CYS1: variants seen among roughly 807,000 people sequenced by gnomAD.
CYS1 encodes the protein cystin 1, also known as cystin-1.
In CYS1, 5 loss-of-function variants were observed where a neutral mutation model predicts 9.6. The ratio of observed to expected loss-of-function variants is 0.52; its 90% confidence interval spans 0.27 to 1.10. CYS1 has a LOEUF of 1.10. Ranked by LOEUF, CYS1 falls within the 50% of genes least tolerant of loss-of-function variation. The pLI is 0.11. For synonymous variants in CYS1, 88 were observed against 95.7 expected, an observed-to-expected ratio of 0.92 and a Z score of 0.47; for missense variants, 221 against 207.9, an observed-to-expected ratio of 1.06 and a Z score of -0.39.
At chr2:10,074,741 G>A (rs1479524624) in intron 1 of CYS1, among the ~76,000 whole-genome samples, 2 of 152,198 alleles carry the variant, frequency 1.3e-5, no homozygotes, top group Non-Finnish European at 2.9e-5. Flanking sequence ...CTGTGAAAAT[G>A]TGACCCAAAC....
chr2:10,077,188 A>G (rs1252877404), intron 1 of CYS1, among the ~76,000 whole-genome samples: 1 of 151,906 alleles, frequency 6.6e-6, no homozygotes, highest in Non-Finnish European at 1.5e-5. Flanking sequence ...ATGACCCCAC[A>G]TCTCACTTGG....
intron 1 of CYS1, among the ~76,000 whole-genome samples, chr2:10,070,451 T>G (rs1038847712): frequency 2.0e-5 from 3 of 151,986 alleles, no homozygotes; most frequent in Non-Finnish European, 2.9e-5. Flanking sequence ...GTTCAAGTGA[T>G]TCTCCTGTCT....
chr2:10,068,125 A>C (rs1029663956), intron 1 of CYS1, among the ~76,000 whole-genome samples: 1 of 152,110 alleles, frequency 6.6e-6, no homozygotes, highest in Non-Finnish European at 1.5e-5. Context: ...TTAAACTTAT[A>C]CCATTGATAT....
At chr2:10,062,765 A>C (rs1661644867) in intron 2 of CYS1, among the ~76,000 whole-genome samples, 1 of 152,228 alleles carries the variant, frequency 6.6e-6, no homozygotes, top group South Asian at 2.1e-4. Flanking sequence ...CTTGGATCTC[A>C]GTTTACTCAC....
At chr2:10,068,816 C>A (rs529395199) in intron 1 of CYS1, among the ~76,000 whole-genome samples, 1 of 152,298 alleles carries the variant, frequency 6.6e-6, no homozygotes, top group South Asian at 2.1e-4. Context: ...GCTACCAACA[C>A]TTTGGGAGGC....
Position 10,057,520 on chromosome 2 carries a change from C to A in CYS1, c.*1333G>T, listed in dbSNP as rs1661566570. 6.6e-6 allele frequency: 1 copy of A among 152,364 alleles called. No individual in the cohort carries two copies. The highest frequency in any genetic ancestry group is 6.5e-5 in the Admixed American group (1 of 15,284). 9.4% of individuals were successfully genotyped at this position (152,364 alleles called of 1,614,324 possible). A position where few individuals can be genotyped will look rare whatever the true frequency, so the allele number is the denominator to read the frequency against. On this transcript the variant is annotated 3_prime_UTR_variant, in exon 3 of 3. Transcript: ENST00000381813. The stretch of plus-strand genomic sequence containing the variant: ...TAAGGACCTGCGAGCTGGAGCTCTT[C>A]TCGGGAAAAAGAAAACGCTGGGGAG...
chr2:10,063,836 C>T lies in CYS1; in HGVS notation c.371+2068G>A, dbSNP rs1661659704. ...CAGGACTGCTGGGACCTGGGGCTTC[C>T]TTCCTGGTGGAAGCACGGTGCTGGA... On this transcript the variant is annotated intron_variant, in intron 2 of 2. Coordinates refer to ENST00000381813, the MANE Select transcript of CYS1 (RefSeq NM_001037160.3). The surrounding 1 kb of genome is among the most constrained non-coding windows in gnomAD (Gnocchi z 4.2). 6.6e-6 allele frequency among the ~76,000 whole-genome samples: 1 copy of T among 152,218 alleles called. No homozygotes were observed. The highest frequency in any genetic ancestry group is 2.1e-4 in the South Asian group (1 of 4,832).
intron 1 of CYS1, among the ~76,000 whole-genome samples, chr2:10,070,662 C>T (rs956049113): frequency 6.7e-6 from 1 of 150,268 alleles, no homozygotes; most frequent in Non-Finnish European, 1.5e-5. Context: ...TTTATTTATT[C>T]GAGACAGGGT....
Position 10,080,058 on chromosome 2 carries a change from G to A in CYS1, c.166C>T (p.Arg56Cys). The A allele has an allele frequency of 9.6e-7, 1 of 1,043,656 alleles. No individual in the cohort carries two copies. The highest frequency in any genetic ancestry group is 1.2e-6 in the Non-Finnish European group (1 of 869,314). The allele number at this position is 1,043,656 out of a possible 1,614,324, so 64.6% of individuals were successfully genotyped here. A position where few individuals can be genotyped will look rare whatever the true frequency, so the allele number is the denominator to read the frequency against. Residue 56 changes from arginine to cysteine, a missense_variant, in exon 1 of 3, where the codon CGC becomes TGC. By Grantham distance (180) the Arg-to-Cys change is radical. Coordinates refer to ENST00000381813, the MANE Select transcript of CYS1 (RefSeq NM_001037160.3). The surrounding 1 kb of genome is among the most constrained non-coding windows in gnomAD (Gnocchi z 6.4). ...PGAAAEEAPG[R>C]DPSPVAPPDG... ...GGGGGCGCCACGGGGCTGGGGTCGC[G>A]GCCGGGCGCCTCCTCCGCGGCTGCC...
In CYS1 at chr2:10,072,957, G is replaced by T. The variant is rs189516157; in HGVS notation, c.318+6949C>A. ...GCGCAGGTGGGGTCTGCGCGGGGGA[G>T]CAGTGCAGATGTGTGGGAGCAGAGC... On this transcript the variant is annotated intron_variant, in intron 1 of 2. Coordinates refer to ENST00000381813, the MANE Select transcript of CYS1 (RefSeq NM_001037160.3). Among the ~76,000 whole-genome samples the T allele has an allele frequency of 4.2e-3, 625 of 150,388 alleles. 3 individuals carry two copies. Among genetic ancestry groups the T allele is most frequent in the African/African-American group, 0.014 (582 of 40,904 alleles).
At chr2:10,073,048 G>A (rs1661793474) in intron 1 of CYS1, among the ~76,000 whole-genome samples, 1 of 148,894 alleles carries the variant, frequency 6.7e-6, no homozygotes, top group Admixed American at 6.7e-5. Context: ...GCAGATGTGT[G>A]GGAGCAGTGC....
At chr2:10,067,501 A>G (rs1661714305) in intron 1 of CYS1, among the ~76,000 whole-genome samples, 2 of 141,584 alleles carry the variant, frequency 1.4e-5, no homozygotes, top group South Asian at 4.4e-4. Flanking sequence ...TCCACCTCCC[A>G]GGCTCAAGCA....
At chr2:10,060,134 GC>G (rs1661606843) in intron 2 of CYS1, among the ~76,000 whole-genome samples, 2 of 152,258 alleles carry the variant, frequency 1.3e-5, no homozygotes, top group Non-Finnish European at 2.9e-5. Flanking sequence ...GTGCAGGTCT[GC>G]AGCTGACAGG....
At chr2:10,060,596 A>G (rs2125287086) in intron 2 of CYS1, among the ~76,000 whole-genome samples, 1 of 152,328 alleles carries the variant, frequency 6.6e-6, no homozygotes, top group South Asian at 2.1e-4. Context: ...CAGTGCGCAG[A>G]AACAGCTGCG....
chr2:10,077,701 T>G (rs993689750), intron 1 of CYS1, among the ~76,000 whole-genome samples: 1 of 152,036 alleles, frequency 6.6e-6, no homozygotes, highest in African/African-American at 2.4e-5. Flanking sequence ...GGCGCACATC[T>G]GTAGTATGCA....
In CYS1 at chr2:10,063,677, T is replaced by C. The variant is rs1343540763; in HGVS notation, c.371+2227A>G. On this transcript the variant is annotated intron_variant, in intron 2 of 2. Transcript: ENST00000381813. This position sits in a 1 kb window ranked among gnomAD's most constrained non-coding sequence, Gnocchi z 4.2. ...TTGCAGCCACAGGGTGAGGCACTGGTACCCAAGAGCTGCACGCTGGGGGGC... is the reference window on the plus strand; with the variant it reads ...TTGCAGCCACAGGGTGAGGCACTGGCACCCAAGAGCTGCACGCTGGGGGGC... Among the ~76,000 whole-genome samples the C allele has an allele frequency of 2.6e-5, 4 of 152,128 alleles. No individual in the cohort carries two copies. Among genetic ancestry groups the C allele is most frequent in the Non-Finnish European group, 5.9e-5 (4 of 68,012 alleles).
chr2:10,075,993 CCTGA>C (rs1661836976), intron 1 of CYS1, among the ~76,000 whole-genome samples: 2 of 152,100 alleles, frequency 1.3e-5, no homozygotes, highest in Non-Finnish European at 1.5e-5. Flanking sequence ...TCAAGAACAG[CCTGA>C]CTAATATAGT....
At chr2:10,062,184 T>A (rs1174088908) in intron 2 of CYS1, among the ~76,000 whole-genome samples, 1 of 151,582 alleles carries the variant, frequency 6.6e-6, no homozygotes, top group African/African-American at 2.4e-5. Context: ...ATTTTGGTAC[T>A]TTTGTGGAGA....
chr2:10,070,025 G>A (rs904433999), intron 1 of CYS1, among the ~76,000 whole-genome samples: 1 of 152,218 alleles, frequency 6.6e-6, no homozygotes, highest in Non-Finnish European at 1.5e-5. Context: ...ACAGAGGCTG[G>A]GTGATCCAAC....
Sources: gnomAD v4.1 joint callset for allele counts (sites outside exome capture counted in the v4.1 genomes callset) on GRCh38, gnomAD v4.1.1 for gene constraint, Gnocchi (gnomAD v3.1) non-coding constraint, MANE v1.5 for transcripts, NCBI Gene and HGNC (gene_info 2026-07-23, HGNC 2026-07-21) for gene names.